The following SOX5 variants were observed in gnomAD, a reference collection of about 807,000 sequenced individuals.
SOX5 encodes the protein transcription factor SOX-5.
In SOX5, 9 loss-of-function variants were observed where a neutral mutation model predicts 92.0. The ratio of observed to expected loss-of-function variants is 0.10; its 90% confidence interval spans 0.06 to 0.17. The LOEUF (loss-of-function observed/expected upper bound fraction) is 0.17, where lower values mean the gene tolerates loss of function less well. Among genes scored for constraint, SOX5 ranks in the 10% least tolerant of loss-of-function variants. The pLI is 1.00. For synonymous variants in SOX5, 344 were observed against 336.3 expected, an observed-to-expected ratio of 1.02 and a Z score of -0.25; for missense variants, 642 against 944.5, an observed-to-expected ratio of 0.68 and a Z score of 4.20.
chr12:24,315,246 T>G (rs1949590229), intron 2 of SOX5, among the ~76,000 whole-genome samples: 1 of 152,232 alleles, frequency 6.6e-6, no homozygotes, highest in African/African-American at 2.4e-5. Flanking sequence ...TCTAGCTGTC[T>G]GTAAAAAATA....
At chr12:24,002,100 TAAAA>T (rs1184525949) in intron 4 of SOX5, among the ~76,000 whole-genome samples, 1 of 151,450 alleles carries the variant, frequency 6.6e-6, no homozygotes, top group Non-Finnish European at 1.5e-5. Context: ...TAGTAGAAAA[TAAAA>T]AAAGTTCTCA....
At chr12:24,278,807 T>C (rs956723450) in intron 2 of SOX5, among the ~76,000 whole-genome samples, 1 of 151,800 alleles carries the variant, frequency 6.6e-6, no homozygotes, top group Non-Finnish European at 1.5e-5. Context: ...TGTCTATATA[T>C]AGTCAGTGGA....
intron 4 of SOX5, among the ~76,000 whole-genome samples, chr12:24,128,166 C>G (rs180833954): frequency 1.3e-3 from 199 of 152,164 alleles, no homozygotes; most frequent in Non-Finnish European, 2.5e-3. Flanking sequence ...GTGGGTTTTG[C>G]TGTTATTTGT....
At chr12:24,319,335 C>T (rs1595534487) in intron 2 of SOX5, among the ~76,000 whole-genome samples, 2 of 152,310 alleles carry the variant, frequency 1.3e-5, no homozygotes, top group South Asian at 4.1e-4. Flanking sequence ...CACTATCAAC[C>T]CCCATCAGTG....
chr12:24,335,910 G>T (rs1323507973), intron 2 of SOX5, among the ~76,000 whole-genome samples: 1 of 133,360 alleles, frequency 7.5e-6, no homozygotes, highest in East Asian at 2.3e-4. Flanking sequence ...CAAGGCTCAG[G>T]AATTGGAATA....
intron 1 of SOX5, among the ~76,000 whole-genome samples, chr12:24,440,635 TGTGTGA>T (rs889146924): frequency 9.7e-5 from 11 of 113,218 alleles, no homozygotes; most frequent in African/African-American, 3.1e-4. Flanking sequence ...TGTGTGTGTG[TGTGTGA>T]AGAACAGAAG....
intron 13 of SOX5, among the ~76,000 whole-genome samples, chr12:23,539,506 C>CTCACAAAG (rs1941426837): frequency 6.6e-6 from 1 of 151,256 alleles, no homozygotes; most frequent in South Asian, 2.1e-4. Flanking sequence ...TCCCGTGGGG[C>CTCACAAAG]TCACAAAGAG....
chr12:24,481,908 T>A (rs182391581), intron 1 of SOX5, among the ~76,000 whole-genome samples: 1 of 152,300 alleles, frequency 6.6e-6, no homozygotes, highest in African/African-American at 2.4e-5. Context: ...TTAAAATTAA[T>A]TCTTAAAACA....
intron 9 of SOX5, among the ~76,000 whole-genome samples, chr12:23,589,939 G>A (rs1244592505): frequency 6.6e-6 from 1 of 151,910 alleles, no homozygotes; most frequent in African/African-American, 2.4e-5. Context: ...TCATACAAAG[G>A]AAGACAAGTA....
At chr12:23,748,742 T>G (rs545608959) in intron 4 of SOX5, among the ~76,000 whole-genome samples, 1 of 152,120 alleles carries the variant, frequency 6.6e-6, no homozygotes, top group East Asian at 1.9e-4. Context: ...GTGTTACAAT[T>G]TGAACAAGAC....
chr12:24,119,425 T>A (rs1261758710), intron 4 of SOX5, among the ~76,000 whole-genome samples: 2 of 152,116 alleles, frequency 1.3e-5, no homozygotes, highest in Admixed American at 1.3e-4. Flanking sequence ...AGGCTACATT[T>A]TACTTTTCAC....
intron 4 of SOX5, among the ~76,000 whole-genome samples, chr12:24,112,521 C>CTTT (rs139323766): frequency 0.033 from 2,505 of 75,688 alleles, 372 homozygotes; most frequent in Non-Finnish European, 0.042. Flanking sequence ...TTCAAGGTTC[C>CTTT]TTTTTTTTTT....
intron 6 of SOX5, among the ~76,000 whole-genome samples, chr12:23,728,748 T>A (rs2093269433): frequency 6.6e-6 from 1 of 152,102 alleles, no homozygotes; most frequent in African/African-American, 2.4e-5. Context: ...GAAAACTCAT[T>A]TTAAAACTTA....
At chr12:24,448,384 TC>T (rs963668321) in intron 1 of SOX5, among the ~76,000 whole-genome samples, 7 of 152,166 alleles carry the variant, frequency 4.6e-5, no homozygotes, top group African/African-American at 1.4e-4. Context: ...GAAAAAAATA[TC>T]CATTCACAAA....
Position 24,287,684 on chromosome 12 carries a change from A to G in SOX5, c.-173-10372T>C, listed in dbSNP as rs1946068959. 4.7e-5 allele frequency among the ~76,000 whole-genome samples: 7 copies of G among 147,892 alleles called. No individual in the cohort carries two copies. In the South Asian group the frequency reaches 1.5e-3, roughly 31 times the overall value. On this transcript the variant is annotated intron_variant, in intron 2 of 4. Transcript: ENST00000446891. Reference sequence around the variant, plus strand: ...CTAAAATTTTCAAAAAAATTCTTAAAATCATTTTTTCTTGTCCTAAAAATT... The same window carrying G: ...CTAAAATTTTCAAAAAAATTCTTAAGATCATTTTTTCTTGTCCTAAAAATT...
At chr12:24,425,688 T>C (rs560708548) in intron 1 of SOX5, among the ~76,000 whole-genome samples, 6 of 152,344 alleles carry the variant, frequency 3.9e-5, no homozygotes, top group Non-Finnish European at 7.3e-5. Context: ...AGGCTTTTAC[T>C]GGAATTAAGT....
At chr12:23,788,434 T>C (rs1007873498) in intron 3 of SOX5, among the ~76,000 whole-genome samples, 4 of 152,016 alleles carry the variant, frequency 2.6e-5, no homozygotes, top group Non-Finnish European at 5.9e-5. Flanking sequence ...AACACTTGAT[T>C]TGATTTAGTA....
chr12:24,340,810 T>G (rs753500590), intron 2 of SOX5, among the ~76,000 whole-genome samples: 9 of 152,214 alleles, frequency 5.9e-5, no homozygotes, highest in Non-Finnish European at 1.0e-4. Flanking sequence ...CACTCACTTA[T>G]TTTAAGCCCA....
rs11047374 is a variant in SOX5 at position 24,332,991 on chromosome 12, A to C, written c.-174+35572T>G. ...AAGAAAAATTATCTATGATTGGTTT[A>C]CCAAGAAACAGTGGTTCAATTTGCT... On this transcript the variant is annotated intron_variant, in intron 2 of 4. Coordinates refer to the SOX5 transcript ENST00000446891. 0.049 allele frequency among the ~76,000 whole-genome samples: 7,504 copies of C among 152,202 alleles called. 921 individuals carry two copies. In the East Asian group the frequency reaches 0.53, roughly 11 times the overall value.
Sources: allele counts gnomAD v4.1 joint callset (sites outside exome capture counted in the v4.1 genomes callset), GRCh38; gene constraint gnomAD v4.1.1; transcripts MANE v1.5; gene names NCBI Gene and HGNC (gene_info 2026-07-23, HGNC 2026-07-21).